Variants in DENND4A observed in about 807,000 individuals in gnomAD.
The protein encoded by DENND4A is DENN domain containing 4A, also known as C-myc promoter-binding protein.
DENND4A carries 70 observed loss-of-function variants against 199.3 expected under a neutral mutation model. That is an observed-to-expected ratio of 0.35 (90% CI 0.29 to 0.43). The LOEUF (loss-of-function observed/expected upper bound fraction) is 0.43. DENND4A is among the 20% of genes least tolerant of loss of function. DENND4A has a pLI of 1.00. For missense variants in DENND4A, 1,723 were observed against 2,255.8 expected (o/e 0.76, Z 4.78); for synonymous variants, 686 against 766.9 (o/e 0.89, Z 1.74).
chr15:65,678,844 C>T (rs1302048952), intron 23 of DENND4A, among the ~76,000 whole-genome samples: 1 of 152,060 alleles, frequency 6.6e-6, no homozygotes, highest in African/African-American at 2.4e-5. Flanking sequence ...TGCACACCAC[C>T]ATGACTGGCT....
At chr15:65,769,457 T>C (rs925238873) in intron 1 of DENND4A, among the ~76,000 whole-genome samples, 131 of 152,318 alleles carry the variant, frequency 8.6e-4, no homozygotes, top group African/African-American at 3.0e-3. Flanking sequence ...AGCAGCTACA[T>C]GCTCTGAAAT....
chr15:65,676,296 G>T, intron 24 of DENND4A, 149 bp downstream of exon 24: 1 of 661,054 alleles, frequency 1.5e-6, no homozygotes. Context: ...TTGTGAAAGT[G>T]CCTTGGTTTT....
At chr15:65,771,850 G>A (rs949069712) in intron 1 of DENND4A, 1 of 1,612,426 alleles carries the variant, frequency 6.2e-7, no homozygotes, top group East Asian at 2.2e-5. Context: ...AACAGCATAA[G>A]CATTCCCAAC....
chr15:65,750,256 C>G (rs1294621956), intron 4 of DENND4A, among the ~76,000 whole-genome samples: 1 of 152,096 alleles, frequency 6.6e-6, no homozygotes, highest in African/African-American at 2.4e-5. Context: ...ACTGCATTTT[C>G]TCGCTTATAA....
At chr15:65,754,785 T>G (rs553122558) in intron 3 of DENND4A, among the ~76,000 whole-genome samples, 1 of 152,272 alleles carries the variant, frequency 6.6e-6, no homozygotes, top group Non-Finnish European at 1.5e-5. Flanking sequence ...CATGGAGAAA[T>G]TGGAACCCTC....
intron 2 of DENND4A, among the ~76,000 whole-genome samples, chr15:65,758,135 C>A (rs2076759940): frequency 6.6e-6 from 1 of 152,112 alleles, no homozygotes; most frequent in South Asian, 2.1e-4. Flanking sequence ...ACACAAAAGT[C>A]TACCAGAAGT....
chr15:65,660,222 T>G lies in DENND4A; in HGVS notation c.*1629A>C, dbSNP rs141094852. The G allele has an allele frequency of 1.1e-4, 154 of 1,371,526 alleles. No individual in the cohort carries two copies. The African/African-American group carries it at 2.1e-3, about 19-fold the overall frequency. 85.0% of individuals were successfully genotyped at this position (1,371,526 alleles called of 1,614,324 possible). Reference sequence around the variant, plus strand: ...GCACCAGATTTTTCAAGTAAGCAAGTTCAGCCCCAAACTAACTGAAGTTTT... The same window carrying G: ...GCACCAGATTTTTCAAGTAAGCAAGGTCAGCCCCAAACTAACTGAAGTTTT... On this transcript the variant is annotated 3_prime_UTR_variant, in exon 33 of 33. Transcript: ENST00000443035.
intron 23 of DENND4A, among the ~76,000 whole-genome samples, chr15:65,679,425 TTATAA>T (rs984561591): frequency 2.0e-5 from 3 of 152,094 alleles, no homozygotes; most frequent in South Asian, 2.1e-4. Flanking sequence ...AAAGAAATAA[TTATAA>T]TATTTCAGTT....
At chr15:65,775,567 G>A (rs1370762657) in intron 1 of DENND4A, among the ~76,000 whole-genome samples, 2 of 145,244 alleles carry the variant, frequency 1.4e-5, no homozygotes, top group African/African-American at 5.2e-5. Context: ...CTCGAACCTG[G>A]GAGGTGAAGG....
In DENND4A at chr15:65,761,344, G is replaced by A. The variant is rs2076844251; in HGVS notation, c.-23+16C>T. The A allele has an allele frequency of 6.6e-6, 1 of 152,134 alleles. No individual in the cohort carries two copies. The highest frequency in any genetic ancestry group is 2.1e-4 in the South Asian group (1 of 4,822). The allele number at this position is 152,134 out of a possible 1,614,324, so 9.4% of individuals were successfully genotyped here. On this transcript the variant is annotated intron_variant, in intron 2 of 32. Coordinates refer to ENST00000443035, the MANE Select transcript of DENND4A (RefSeq NM_001320835.1). ...CTAACTGAAACAAATCAAAATGAAA[G>A]CCAAAAACTACTTACACATTACCGA...
At chr15:65,758,271 T>C (rs1259983625) in intron 2 of DENND4A, among the ~76,000 whole-genome samples, 1 of 152,212 alleles carries the variant, frequency 6.6e-6, no homozygotes, top group Non-Finnish European at 1.5e-5. Flanking sequence ...CTATCACATA[T>C]TTGCAGTCTC....
At chr15:65,725,092 G>C (rs924564540) in intron 11 of DENND4A, among the ~76,000 whole-genome samples, 4 of 152,030 alleles carry the variant, frequency 2.6e-5, no homozygotes, top group Non-Finnish European at 5.9e-5. Flanking sequence ...ACTTGGCTGG[G>C]TAAGGGAATT....
Position 65,660,474 on chromosome 15 carries a change from G to A in DENND4A, c.*1377C>T. ...TTTTCCTTCTTTAAAGCTGGCTAGG[G>A]AATTCCTTCACTAATGATAATGTGT... On this transcript the variant is annotated 3_prime_UTR_variant, in exon 33 of 33. Coordinates refer to ENST00000443035, the MANE Select transcript of DENND4A (RefSeq NM_001320835.1). 1.8e-6 allele frequency: 1 copy of A among 541,164 alleles called. No individual in the cohort carries two copies. The highest frequency in any genetic ancestry group is 3.3e-6 in the Non-Finnish European group (1 of 306,470). 33.5% of individuals were successfully genotyped at this position (541,164 alleles called of 1,614,324 possible).
chr15:65,716,713 C>G (rs1304908744), intron 13 of DENND4A, among the ~76,000 whole-genome samples: 1 of 151,740 alleles, frequency 6.6e-6, no homozygotes, highest in Non-Finnish European at 1.5e-5. Flanking sequence ...CATACGTGTG[C>G]ATGTGTCTTT....
At chr15:65,718,480 T>C (rs1353260605) in intron 12 of DENND4A, among the ~76,000 whole-genome samples, 2 of 152,216 alleles carry the variant, frequency 1.3e-5, no homozygotes, top group Non-Finnish European at 2.9e-5. Context: ...TCACCAAGTA[T>C]TGGCATTGTT....
intron 1 of DENND4A, among the ~76,000 whole-genome samples, chr15:65,773,033 T>C (rs1285947993): frequency 1.4e-5 from 2 of 145,992 alleles, no homozygotes; most frequent in Admixed American, 6.9e-5. Flanking sequence ...AAAAAATCAT[T>C]CTTAGAGCAG....
chr15:65,683,359 TG>T (rs2076647514), intron 23 of DENND4A, among the ~76,000 whole-genome samples: 1 of 152,250 alleles, frequency 6.6e-6, no homozygotes, highest in South Asian at 2.1e-4. Context: ...GATATTCTTA[TG>T]CTTTCCATCT....
At position 65,717,782 on chromosome 15, in the gene DENND4A, T is replaced by A. The variant is rs567407837; in HGVS notation, c.1803A>T (p.Leu601=). 1.9e-6 allele frequency: 3 copies of A among 1,597,620 alleles called. No individual in the cohort carries two copies. The highest frequency in any genetic ancestry group is 2.7e-5 in the African/African-American group (2 of 74,582). Reference sequence around the variant, plus strand: ...TAAAACTATGCAGTCACTCACCTTGTAGGGCAAAGAGAGAGGCTGCATCTG... The same window carrying A: ...TAAAACTATGCAGTCACTCACCTTGAAGGGCAAAGAGAGAGGCTGCATCTG... ...TATDAASLFA[L]QAFLRSRDRS... The change falls in exon 13 of 33, where the codon CTA becomes CTT. Residue 601 remains leucine (L), a synonymous_variant. Transcript: ENST00000443035.
intron 29 of DENND4A, among the ~76,000 whole-genome samples, chr15:65,666,416 A>G (rs2076040165): frequency 6.6e-6 from 1 of 152,186 alleles, no homozygotes; most frequent in South Asian, 2.1e-4. Context: ...GATACACCGA[A>G]CAAAGGGATG....
Sources: gnomAD v4.1 joint callset for allele counts (sites outside exome capture counted in the v4.1 genomes callset) on GRCh38, gnomAD v4.1.1 for gene constraint, MANE v1.5 for transcripts, NCBI Gene and HGNC (gene_info 2026-07-23, HGNC 2026-07-21) for gene names.